CWH43: variants seen among roughly 807,000 people sequenced by gnomAD.
CWH43 encodes cell wall biogenesis 43 C-terminal homolog.
Under a neutral mutation model 85.7 loss-of-function variants are expected in CWH43, and 91 were observed. That is an observed-to-expected ratio of 1.06 (90% CI 0.90 to 1.26). The LOEUF (loss-of-function observed/expected upper bound fraction) is 1.26. Ranked by LOEUF, CWH43 falls within the 50% of genes most tolerant of loss-of-function variation. The probability of loss-of-function intolerance (pLI) is 0.00; values close to 1 mark genes in which losing one functional copy is unlikely to be tolerated. For synonymous variants in CWH43, 323 were observed against 293.6 expected (o/e 1.10, Z -1.02); for missense variants, 869 against 839.2 (o/e 1.04, Z -0.44).
At chr4:49,041,531 T>G (rs918505082) in intron 13 of CWH43, among the ~76,000 whole-genome samples, 1 of 152,234 alleles carries the variant, frequency 6.6e-6, no homozygotes, top group African/African-American at 2.4e-5. Flanking sequence ...TCACTCATGA[T>G]TTGGCTCTCT....
At chr4:49,014,504 A>G (rs532671480) in intron 8 of CWH43, among the ~76,000 whole-genome samples, 1 of 151,454 alleles carries the variant, frequency 6.6e-6, no homozygotes, top group Non-Finnish European at 1.5e-5. Flanking sequence ...ATTTAAACTT[A>G]GGGAGAAATG....
Position 49,042,594 on chromosome 4 carries a change from C to G in CWH43, c.1804-2192C>G, listed in dbSNP as rs187442034. ...AAGGAGTGGCCACCATGTAGGGAAG[C>G]GTTGAAGCCATGGAAGTGAGTGGTA... On this transcript the variant is annotated intron_variant, in intron 13 of 15. Coordinates refer to ENST00000226432, the MANE Select transcript of CWH43 (RefSeq NM_025087.3). Among the ~76,000 whole-genome samples the G allele has an allele frequency of 9.9e-5, 15 of 152,054 alleles. No individual in the cohort carries two copies. The East Asian group carries it at 1.7e-3, about 18-fold the overall frequency.
chr4:49,014,956 A>G (rs752393267), intron 8 of CWH43, among the ~76,000 whole-genome samples: 2 of 152,202 alleles, frequency 1.3e-5, no homozygotes, highest in Non-Finnish European at 2.9e-5. Context: ...TGACAAATGT[A>G]TAATTACATA....
intron 9 of CWH43, among the ~76,000 whole-genome samples, chr4:49,019,349 G>C (rs1440802212): frequency 2.0e-5 from 3 of 151,986 alleles, no homozygotes; most frequent in Non-Finnish European, 4.4e-5. Context: ...GTGAGGCCTG[G>C]GATGTTGGCA....
intron 15 of CWH43, among the ~76,000 whole-genome samples, chr4:49,055,001 T>C (rs1784909523): frequency 6.6e-6 from 1 of 152,142 alleles, no homozygotes; most frequent in African/African-American, 2.4e-5. Context: ...ATTTTATTCC[T>C]TTTACTTGCT....
At chr4:49,004,265 C>G (rs778654347) in intron 7 of CWH43, among the ~76,000 whole-genome samples, 1 of 152,186 alleles carries the variant, frequency 6.6e-6, no homozygotes, top group Non-Finnish European at 1.5e-5. Flanking sequence ...TCAGTCCATA[C>G]TAAAGCGTAA....
intron 7 of CWH43, among the ~76,000 whole-genome samples, chr4:49,004,731 A>G (rs1358387411): frequency 1.3e-5 from 2 of 152,200 alleles, no homozygotes; most frequent in Non-Finnish European, 2.9e-5. Flanking sequence ...AAAAATTCAT[A>G]TATCTTAGTG....
intron 15 of CWH43, among the ~76,000 whole-genome samples, chr4:49,059,821 G>T (rs1404657612): frequency 6.6e-6 from 1 of 152,080 alleles, no homozygotes; most frequent in Non-Finnish European, 1.5e-5. Context: ...CTGGGTCCAT[G>T]AGAGCCAACC....
chr4:49,040,925 A>G (rs369364674), intron 13 of CWH43, among the ~76,000 whole-genome samples: 4 of 152,102 alleles, frequency 2.6e-5, no homozygotes, highest in Non-Finnish European at 2.9e-5. Context: ...TTTGTATAAG[A>G]TGTAAGGAAG....
Position 48,991,902 on chromosome 4 carries a change from T to C in CWH43, c.357-34T>C. ...ATGGACATAGTACATTGAGTCCACA[T>C]AAAAAGTGTTTAAAAATACTTTTGC... On this transcript the variant is annotated intron_variant, in intron 3 of 15. Coordinates refer to ENST00000226432, the MANE Select transcript of CWH43 (RefSeq NM_025087.3). 1.9e-6 allele frequency: 3 copies of C among 1,582,630 alleles called. No homozygotes were observed. The South Asian group carries it at 3.4e-5, about 18-fold the overall frequency.
chr4:48,998,125 A>G (rs771898591), intron 5 of CWH43, among the ~76,000 whole-genome samples: 13 of 152,228 alleles, frequency 8.5e-5, no homozygotes, highest in African/African-American at 1.2e-4. Flanking sequence ...CTAAATAGAA[A>G]CCATTCCAAT....
At chr4:49,018,214 CATTTATTT>C (rs71191281) in intron 9 of CWH43, among the ~76,000 whole-genome samples, 2 of 151,924 alleles carry the variant, frequency 1.3e-5, no homozygotes, top group Non-Finnish European at 2.9e-5. Flanking sequence ...GGTGTTTTAT[CATTTATTT>C]ATTTATTTAT....
At chr4:48,999,867 C>T (rs1232028549) in intron 6 of CWH43, among the ~76,000 whole-genome samples, 3 of 152,282 alleles carry the variant, frequency 2.0e-5, no homozygotes, top group East Asian at 3.9e-4. Flanking sequence ...TTCCCAGTTA[C>T]ACCCTTTAGG....
intron 1 of CWH43, chr4:48,986,748 C>T: frequency 1.5e-6 from 2 of 1,290,702 alleles, no homozygotes; most frequent in Non-Finnish European, 2.0e-6. Context: ...CCAAGGAGCG[C>T]GAATTCTCCT....
chr4:49,007,076 TA>T, intron 7 of CWH43, 124 bp from the exon 8 acceptor site: 1 of 1,088,634 alleles, frequency 9.2e-7, no homozygotes, highest in Non-Finnish European at 1.3e-6. Context: ...GGTTCTGAGA[TA>T]AATTAAATCA....
intron 2 of CWH43, 123 bp from the exon 3 acceptor site, chr4:48,991,331 T>C: frequency 6.3e-6 from 6 of 952,934 alleles, no homozygotes; most frequent in Non-Finnish European, 9.2e-6. Flanking sequence ...ATATATAAAA[T>C]TATACATCAA....
At chr4:49,034,632 C>T (rs1784208015) in intron 12 of CWH43, among the ~76,000 whole-genome samples, 1 of 152,124 alleles carries the variant, frequency 6.6e-6, no homozygotes, top group African/African-American at 2.4e-5. Flanking sequence ...ATTGATGATA[C>T]ATAACTCCAG....
intron 13 of CWH43, among the ~76,000 whole-genome samples, chr4:49,039,969 CCCA>C (rs1560509703): frequency 1.3e-5 from 2 of 151,772 alleles, no homozygotes; most frequent in African/African-American, 4.8e-5. Context: ...TTGTTCAGTT[CCCA>C]CCAATGAGTG....
chr4:48,996,245 A>G (rs1462335541), intron 5 of CWH43, among the ~76,000 whole-genome samples: 1 of 152,138 alleles, frequency 6.6e-6, no homozygotes, highest in African/African-American at 2.4e-5. Context: ...CCTTTATGCC[A>G]CATACTATAA....
Sources: gnomAD v4.1 joint callset for allele counts (sites outside exome capture counted in the v4.1 genomes callset) on GRCh38, gnomAD v4.1.1 for gene constraint, MANE v1.5 for transcripts, NCBI Gene and HGNC (gene_info 2026-07-23, HGNC 2026-07-21) for gene names.